The following NCAM2 variants were observed in gnomAD, a reference collection of about 807,000 sequenced individuals.
NCAM2 encodes the protein neural cell adhesion molecule 2, also known as N-CAM-2.
In NCAM2, 30 loss-of-function variants were observed where a neutral mutation model predicts 98.1. The observed-to-expected ratio is 0.31, with a 90% CI of 0.23 to 0.41. The LOEUF is 0.41. NCAM2 is among the 10% of genes least tolerant of loss of function. The pLI is 1.00. For synonymous variants in NCAM2, 368 were observed against 342.4 expected (o/e 1.07, Z -0.83); for missense variants, 867 against 1,005.8 (o/e 0.86, Z 1.87).
chr21:21,248,259 T>C lies in NCAM2; in HGVS notation c.56-32319T>C, dbSNP rs556650886. On this transcript the variant is annotated intron_variant, in intron 1 of 17. Coordinates refer to ENST00000400546, the MANE Select transcript of NCAM2 (RefSeq NM_004540.5). ...TTATTTAAAAAAAAACATACAGTTA[T>C]ATAAAAGTAACCCGAATTATGATTT... 5.9e-5 allele frequency among the ~76,000 whole-genome samples: 9 copies of C among 152,290 alleles called. 1 individual carries two copies. In the South Asian group the frequency reaches 1.9e-3, roughly 32 times the overall value.
chr21:21,156,275 A>G (rs967230109), intron 1 of NCAM2, among the ~76,000 whole-genome samples: 2 of 152,062 alleles, frequency 1.3e-5, no homozygotes, highest in African/African-American at 2.4e-5. Flanking sequence ...TGAATTCCAC[A>G]TTATTCATCT....
At chr21:21,005,115 G>A (rs887949903) in intron 1 of NCAM2, among the ~76,000 whole-genome samples, 12 of 152,308 alleles carry the variant, frequency 7.9e-5, no homozygotes, top group African/African-American at 2.9e-4. Context: ...GGTGGAAGTG[G>A]AAGATAGAGT....
intron 14 of NCAM2, among the ~76,000 whole-genome samples, chr21:21,476,616 G>A (rs889386580): frequency 6.6e-6 from 1 of 151,874 alleles, no homozygotes; most frequent in African/African-American, 2.4e-5. Flanking sequence ...TTCAAATAAA[G>A]GGAAATTCAA....
intron 1 of NCAM2, among the ~76,000 whole-genome samples, chr21:21,228,414 C>T (rs1380614683): frequency 6.6e-6 from 1 of 151,086 alleles, no homozygotes; most frequent in African/African-American, 2.4e-5. Context: ...TTTGTTATTG[C>T]AGTGACTGTA....
At chr21:21,177,229 A>G (rs1374182765) in intron 1 of NCAM2, among the ~76,000 whole-genome samples, 1 of 152,048 alleles carries the variant, frequency 6.6e-6, no homozygotes, top group Non-Finnish European at 1.5e-5. Context: ...GTGCTAGCAA[A>G]TTATATCCTA....
Position 21,262,846 on chromosome 21 carries a change from A to T in NCAM2, c.56-17732A>T, listed in dbSNP as rs139697061. 5.9e-3 allele frequency among the ~76,000 whole-genome samples: 902 copies of T among 152,152 alleles called. 11 individuals carry two copies. Among genetic ancestry groups the T allele is most frequent in the African/African-American group, 0.021 (859 of 41,522 alleles). Reference sequence around the variant, plus strand: ...CAATCATGGCAGAAGGTGAAAGTCAAGTCTCAGATGGCAGCAGAGAGAGAA... The same window carrying T: ...CAATCATGGCAGAAGGTGAAAGTCATGTCTCAGATGGCAGCAGAGAGAGAA... On this transcript the variant is annotated intron_variant, in intron 1 of 17. Coordinates refer to ENST00000400546, the MANE Select transcript of NCAM2 (RefSeq NM_004540.5).
chr21:21,510,096 T>A (rs1433301697), intron 16 of NCAM2, among the ~76,000 whole-genome samples: 2 of 152,158 alleles, frequency 1.3e-5, no homozygotes, highest in African/African-American at 4.8e-5. Context: ...CATACGTTAA[T>A]CCCTTATATT....
chr21:21,493,114 G>A (rs145216840), intron 15 of NCAM2, among the ~76,000 whole-genome samples: 116 of 151,960 alleles, frequency 7.6e-4, no homozygotes, highest in Admixed American at 3.8e-3. Context: ...TGGCTCAGTC[G>A]TGAAAGAAAG....
chr21:21,476,018 G>T (rs1985120010), intron 14 of NCAM2, among the ~76,000 whole-genome samples: 1 of 152,094 alleles, frequency 6.6e-6, no homozygotes, highest in Non-Finnish European at 1.5e-5. Flanking sequence ...ATGCAATCAT[G>T]AATTTAACTT....
intron 1 of NCAM2, among the ~76,000 whole-genome samples, chr21:21,038,693 T>C (rs1043294881): frequency 6.6e-6 from 1 of 152,216 alleles, no homozygotes; most frequent in Admixed American, 6.5e-5. Context: ...TAAACCACTT[T>C]CCTTTATAAA....
At chr21:21,253,695 T>G (rs1418682375) in intron 1 of NCAM2, among the ~76,000 whole-genome samples, 1 of 152,190 alleles carries the variant, frequency 6.6e-6, no homozygotes, top group East Asian at 1.9e-4. Flanking sequence ...TACTAAGACA[T>G]TATTTGGATG....
intron 10 of NCAM2, 144 bp from the exon 11 acceptor site, chr21:21,418,325 GCTTA>G: frequency 3.3e-6 from 2 of 613,880 alleles, no homozygotes; most frequent in Non-Finnish European, 5.8e-6. Context: ...ATTTAGTAAT[GCTTA>G]CTTAATAAAG....
chr21:21,506,527 G>A (rs1987989908), intron 15 of NCAM2, among the ~76,000 whole-genome samples: 1 of 151,832 alleles, frequency 6.6e-6, no homozygotes, highest in Admixed American at 6.6e-5. Context: ...TTTAATTCAT[G>A]CATAGAGATA....
intron 8 of NCAM2, among the ~76,000 whole-genome samples, chr21:21,340,497 G>C (rs2074996301): frequency 6.6e-6 from 1 of 151,778 alleles, no homozygotes; most frequent in Non-Finnish European, 1.5e-5. Context: ...GTTTCCTAAG[G>C]AGTATATTAA....
chr21:21,321,073 T>C (rs1426158857), intron 5 of NCAM2, among the ~76,000 whole-genome samples: 1 of 152,226 alleles, frequency 6.6e-6, no homozygotes, highest in African/African-American at 2.4e-5. Context: ...TAATCTGCTC[T>C]ATCTATTCTC....
At chr21:21,400,539 A>G (rs569914479) in intron 9 of NCAM2, among the ~76,000 whole-genome samples, 17 of 151,942 alleles carry the variant, frequency 1.1e-4, no homozygotes, top group African/African-American at 4.1e-4. Flanking sequence ...ATTTACCCTC[A>G]TGTAGTCTCT....
At chr21:21,189,819 A>G (rs1050669683) in intron 1 of NCAM2, among the ~76,000 whole-genome samples, 5 of 152,324 alleles carry the variant, frequency 3.3e-5, no homozygotes, top group Admixed American at 6.5e-5. Flanking sequence ...ATGCAAAGGC[A>G]AGGATGTGAG....
intron 11 of NCAM2, among the ~76,000 whole-genome samples, chr21:21,420,064 A>G (rs2077079871): frequency 6.6e-6 from 1 of 152,160 alleles, no homozygotes; most frequent in African/African-American, 2.4e-5. Flanking sequence ...ATTTCAAGTA[A>G]AGAGAGAATC....
At position 21,401,224 on chromosome 21, in the gene NCAM2, A is replaced by G. The variant is rs563789958; in HGVS notation, c.1196-9050A>G. Among the ~76,000 whole-genome samples the G allele has an allele frequency of 3.3e-5, 5 of 152,238 alleles. No individual in the cohort carries two copies. The East Asian group carries it at 5.8e-4, about 18-fold the overall frequency. ...CTCCAGACCTTTTTAATTTAGTTGT[A>G]TATATTTATGGGTCACAGTGTGATA... is the stretch of plus-strand genomic sequence containing the variant. On this transcript the variant is annotated intron_variant, in intron 9 of 17. Transcript: ENST00000400546.
Sources: gnomAD v4.1 joint callset for allele counts (sites outside exome capture counted in the v4.1 genomes callset) on GRCh38, gnomAD v4.1.1 for gene constraint, MANE v1.5 for transcripts, NCBI Gene and HGNC (gene_info 2026-07-23, HGNC 2026-07-21) for gene names.